GPCPD1: variants seen among roughly 807,000 people sequenced by gnomAD.
The protein encoded by GPCPD1 is glycerophosphocholine phosphodiesterase GPCPD1.
Under a neutral mutation model 89.2 loss-of-function variants are expected in GPCPD1, and 29 were observed. That is an observed-to-expected ratio of 0.33 (90% CI 0.24 to 0.44). GPCPD1 has a LOEUF of 0.44. Ranked by LOEUF, GPCPD1 falls within the 20% of genes least tolerant of loss-of-function variation. The probability of loss-of-function intolerance (pLI) is 1.00; values close to 1 mark genes in which losing one functional copy is unlikely to be tolerated. For missense variants in GPCPD1, 594 were observed against 808.9 expected, an observed-to-expected ratio of 0.73 and a Z score of 3.22; for synonymous variants, 258 against 266.3, an observed-to-expected ratio of 0.97 and a Z score of 0.30.
In GPCPD1 at chr20:5,604,774, T is replaced by TACACACACACACACACACACAC. The variant is rs11466989; in HGVS notation, c.-28-356_-28-335dup. ...GGGCAATATAGTGAGGCCTCATGTCTACACACACACACACACACACACACA... is the reference window on the plus strand; with the variant it reads ...GGGCAATATAGTGAGGCCTCATGTCTACACACACACACACACACACACACACACACACACACACACACACACA... On this transcript the variant is annotated intron_variant, in intron 1 of 19. Coordinates refer to ENST00000379019, the MANE Select transcript of GPCPD1 (RefSeq NM_019593.5). Among the ~76,000 whole-genome samples the TACACACACACACACACACACAC allele has an allele frequency of 5.5e-3, 761 of 139,136 alleles. 5 individuals are homozygous for TACACACACACACACACACACAC. Among genetic ancestry groups the TACACACACACACACACACACAC allele is most frequent in the Middle Eastern group, 0.011 (3 of 284 alleles). The allele number at this position is 139,136 out of a possible 152,430, so 91.3% of individuals were successfully genotyped here. A position where few individuals can be genotyped will look rare whatever the true frequency, so the allele number is the denominator to read the frequency against.
Position 5,582,206 on chromosome 20 carries a change from A to C in GPCPD1, c.349+2075T>G, listed in dbSNP as rs1201705189. Among the ~76,000 whole-genome samples the C allele has an allele frequency of 3.4e-5, 5 of 145,792 alleles. No homozygotes were observed. In the East Asian group the frequency reaches 5.9e-4, roughly 17 times the overall value. ...CGTCTCAAAAAAAAAAAAAAAAAAA[A>C]AAAAAAAAAAAAACTACTACTCCAT... On this transcript the variant is annotated intron_variant, in intron 6 of 19. Transcript: ENST00000379019.
Position 5,561,508 on chromosome 20 carries a change from T to C in GPCPD1, c.1352A>G (p.Asp451Gly), listed in dbSNP as rs1986074673. The change falls in exon 16 of 20, where the codon GAT (aspartate) becomes GGT (glycine). Residue 451 changes from aspartate (D) to glycine (G), a missense_variant. Physicochemically the swap from Asp to Gly is moderately conservative, Grantham distance 94. Transcript: ENST00000379019. ...TTTTATTTCAATGTTAAACCCTACATCTTCTGGCAAAGACTCTAAAACCTA... is the reference window on the plus strand; with the variant it reads ...TTTTATTTCAATGTTAAACCCTACACCTTCTGGCAAAGACTCTAAAACCTA... ...LKMVLESLPE[D>G]VGFNIEIKWI... 6.2e-7 allele frequency: 1 copy of C among 1,601,794 alleles called. No homozygotes were observed. Among genetic ancestry groups the C allele is most frequent in the Non-Finnish European group, 8.5e-7 (1 of 1,170,070 alleles).
intron 1 of GPCPD1, among the ~76,000 whole-genome samples, chr20:5,608,010 G>C (rs1980713933): frequency 1.3e-5 from 2 of 152,040 alleles, no homozygotes; most frequent in Admixed American, 6.6e-5. Flanking sequence ...TGATTAAATA[G>C]TTTGTATTTT....
chr20:5,550,925 G>A (rs572035282), intron 19 of GPCPD1, among the ~76,000 whole-genome samples: 2 of 152,288 alleles, frequency 1.3e-5, no homozygotes, highest in East Asian at 1.9e-4. Context: ...GGAGCAGCCC[G>A]GTGGAGAGGC....
Position 5,545,947 on chromosome 20 carries a change from G to A in GPCPD1, c.*1714C>T, listed in dbSNP as rs1217617706. 1.3e-5 allele frequency: 2 copies of A among 152,274 alleles called. No individual in the cohort carries two copies. The highest frequency in any genetic ancestry group is 6.5e-5 in the Admixed American group (1 of 15,282). The allele number at this position is 152,274 out of a possible 1,614,324, so 9.4% of individuals were successfully genotyped here. A position where few individuals can be genotyped will look rare whatever the true frequency, so the allele number is the denominator to read the frequency against. On this transcript the variant is annotated 3_prime_UTR_variant, in exon 20 of 20. Coordinates refer to ENST00000379019, the MANE Select transcript of GPCPD1 (RefSeq NM_019593.5). ...TGGGAAGGCATAGGAGAGGAGCAAA[G>A]GAGCAGGACTAGAAACAAACATATA...
At chr20:5,579,564 T>A (rs1978325886) in intron 7 of GPCPD1, among the ~76,000 whole-genome samples, 1 of 152,168 alleles carries the variant, frequency 6.6e-6, no homozygotes, top group African/African-American at 2.4e-5. Flanking sequence ...GCCAGTCTGG[T>A]CTTGAACTCC....
intron 1 of GPCPD1, among the ~76,000 whole-genome samples, chr20:5,605,724 GC>G (rs996239093): frequency 5.3e-5 from 8 of 151,706 alleles, no homozygotes; most frequent in Admixed American, 5.3e-4. Context: ...GTTGAGGTGA[GC>G]CCCCCCACCT....
intron 4 of GPCPD1, among the ~76,000 whole-genome samples, chr20:5,588,824 CAAAAAAGAAAAAGAAAA>C (rs570128485): frequency 2.2e-5 from 3 of 135,290 alleles, no homozygotes; most frequent in Admixed American, 7.4e-5. Context: ...GACTATGTCT[CAAAAAAGAAAAAGAAAA>C]AAAAAAGAAA....
intron 6 of GPCPD1, among the ~76,000 whole-genome samples, chr20:5,581,813 A>ATTTTTTTTTTTTT (rs1568664434): frequency 2.4e-5 from 2 of 82,810 alleles, no homozygotes; most frequent in African/African-American, 6.6e-5. Flanking sequence ...TGGGACTTTA[A>ATTTTTTTTTTTTT]CTTTTTTTTT....
intron 6 of GPCPD1, among the ~76,000 whole-genome samples, chr20:5,580,594 C>T (rs1327376575): frequency 6.6e-6 from 1 of 151,544 alleles, no homozygotes; most frequent in African/African-American, 2.4e-5. Flanking sequence ...GGCGTGGTGG[C>T]GGGCGCCTGT....
intron 19 of GPCPD1, chr20:5,549,518 T>A: frequency 9.3e-7 from 1 of 1,078,360 alleles, no homozygotes; most frequent in East Asian, 2.9e-5. Flanking sequence ...AGTATTCTCA[T>A]AAGAGACCAA....
intron 8 of GPCPD1, 129 bp from the exon 9 acceptor site, chr20:5,576,107 A>T (rs74654749): frequency 7.1e-3 from 1,211 of 171,740 alleles, no homozygotes; most frequent in Middle Eastern, 0.012. Context: ...GTATATATAT[A>T]TTTTTTTTTT....
chr20:5,605,834 G>C (rs1351932222), intron 1 of GPCPD1, among the ~76,000 whole-genome samples: 1 of 151,676 alleles, frequency 6.6e-6, no homozygotes, highest in Non-Finnish European at 1.5e-5. Flanking sequence ...AGGTTCTACA[G>C]GCTCAAATTT....
At chr20:5,558,232 C>CCAATTACT in intron 18 of GPCPD1, 127 bp from the exon 19 acceptor site, 1 of 524,106 alleles carries the variant, frequency 1.9e-6, no homozygotes, top group East Asian at 3.1e-5. Flanking sequence ...TTTTTTTCTT[C>CCAATTACT]CAATTACTTT....
intron 17 of GPCPD1, among the ~76,000 whole-genome samples, chr20:5,559,669 T>A (rs552351956): frequency 1.3e-5 from 2 of 152,164 alleles, no homozygotes; most frequent in East Asian, 3.9e-4. Context: ...CAGTGATAAA[T>A]CCCTAGGGAG....
At chr20:5,584,353 T>TA in intron 5 of GPCPD1, 31 bp from the exon 6 acceptor site, 2 of 994,370 alleles carry the variant, frequency 2.0e-6, no homozygotes, top group Non-Finnish European at 3.2e-6. Context: ...AAAATTTAGT[T>TA]AAAACTCTTG....
intron 4 of GPCPD1, among the ~76,000 whole-genome samples, chr20:5,592,689 T>C (rs562731985): frequency 6.6e-6 from 1 of 152,328 alleles, no homozygotes; most frequent in Admixed American, 6.5e-5. Context: ...AGGAAAAGAA[T>C]CCTTTCAGCA....
chr20:5,583,187 G>T (rs1406519323), intron 6 of GPCPD1, among the ~76,000 whole-genome samples: 1 of 136,812 alleles, frequency 7.3e-6, no homozygotes, highest in Non-Finnish European at 1.5e-5. Context: ...TTGTGCCATC[G>T]CACTCCAGCC....
At chr20:5,602,548 T>C (rs1046369596) in intron 2 of GPCPD1, among the ~76,000 whole-genome samples, 1 of 152,242 alleles carries the variant, frequency 6.6e-6, no homozygotes, top group Non-Finnish European at 1.5e-5. Context: ...ACTCTGCCAA[T>C]TGCTGTGATG....
Sources: allele counts gnomAD v4.1 joint callset (sites outside exome capture counted in the v4.1 genomes callset), GRCh38; gene constraint gnomAD v4.1.1; transcripts MANE v1.5; gene names NCBI Gene and HGNC (gene_info 2026-07-23, HGNC 2026-07-21).